The following KIF21A variants were observed in gnomAD, a reference collection of about 807,000 sequenced individuals.
KIF21A encodes the protein kinesin-like protein KIF21A.
A neutral mutation model predicts 202.9 loss-of-function variants in KIF21A; 114 were observed. The observed-to-expected ratio is 0.56, with a 90% CI of 0.48 to 0.66. The LOEUF is 0.66. Among genes scored for constraint, KIF21A ranks in the 30% least tolerant of loss-of-function variants. KIF21A has a pLI of 0.00. For missense variants in KIF21A, 1,677 were observed against 1,994.9 expected (o/e 0.84, Z 3.04); for synonymous variants, 667 against 670.8 (o/e 0.99, Z 0.09).
intron 1 of KIF21A, among the ~76,000 whole-genome samples, chr12:39,440,207 A>G (rs1432809375): frequency 6.6e-6 from 1 of 152,218 alleles, no homozygotes; most frequent in East Asian, 1.9e-4. Context: ...ACTCATTTGT[A>G]AATGAACTAA....
At chr12:39,344,417 G>T (rs1399488410) in intron 12 of KIF21A, among the ~76,000 whole-genome samples, 1 of 152,082 alleles carries the variant, frequency 6.6e-6, no homozygotes. Context: ...CCCTCTCCTG[G>T]GCAGTCTCCC....
intron 37 of KIF21A, among the ~76,000 whole-genome samples, chr12:39,295,391 TAAAG>T (rs1013515421): frequency 1.3e-5 from 2 of 151,984 alleles, no homozygotes; most frequent in Non-Finnish European, 2.9e-5. Context: ...AAAAAATAAA[TAAAG>T]AAGAGTTTCC....
intron 1 of KIF21A, among the ~76,000 whole-genome samples, chr12:39,438,261 G>A (rs571663291): frequency 5.3e-5 from 8 of 152,212 alleles, no homozygotes; most frequent in Admixed American, 3.9e-4. Flanking sequence ...CAGTAATAAG[G>A]ATACCTAAAG....
At chr12:39,433,828 A>T (rs1008912865) in intron 1 of KIF21A, among the ~76,000 whole-genome samples, 1 of 152,180 alleles carries the variant, frequency 6.6e-6, no homozygotes, top group Non-Finnish European at 1.5e-5. Flanking sequence ...AAACGGGGAG[A>T]CTAGATAGAA....
In KIF21A at chr12:39,302,952, G is replaced by C. The variant is rs2137152376; in HGVS notation, c.4731+13C>G. The C allele has an allele frequency of 4.3e-6, 7 of 1,610,464 alleles. No individual in the cohort carries two copies. Among genetic ancestry groups the C allele is most frequent in the Non-Finnish European group, 5.1e-6 (6 of 1,177,126 alleles). The stretch of plus-strand genomic sequence containing the variant: ...AAATGCCCACTCTATACCATGAAAA[G>C]GTTCTGCATTACCTGAAGAAGGTCT... On this transcript the variant is annotated intron_variant, in intron 36 of 37. Coordinates refer to ENST00000361418, the MANE Select transcript of KIF21A (RefSeq NM_001173464.2).
chr12:39,348,475 G>A (rs1592269716), intron 11 of KIF21A, among the ~76,000 whole-genome samples: 1 of 152,022 alleles, frequency 6.6e-6, no homozygotes, highest in African/African-American at 2.4e-5. Context: ...ACAGACTGAC[G>A]CAGAAGAAGG....
chr12:39,321,220 T>C (rs1388944154), intron 27 of KIF21A: 3 of 152,196 alleles, frequency 2.0e-5, no homozygotes, highest in African/African-American at 7.2e-5. Context: ...ATTACAAATA[T>C]ATGAGTATAA....
At chr12:39,431,907 A>T (rs1937971556) in intron 1 of KIF21A, among the ~76,000 whole-genome samples, 1 of 152,218 alleles carries the variant, frequency 6.6e-6, no homozygotes, top group African/African-American at 2.4e-5. Context: ...GTATTGCCTA[A>T]ATTGACACTT....
chr12:39,390,077 C>T (rs373222344), intron 1 of KIF21A, among the ~76,000 whole-genome samples: 234 of 152,274 alleles, frequency 1.5e-3, no homozygotes, highest in African/African-American at 5.5e-3. Flanking sequence ...TCAGATTCAT[C>T]GTTGTATCTC....
intron 7 of KIF21A, 100 bp downstream of exon 7, chr12:39,362,998 G>A (rs1197075449): frequency 1.3e-6 from 1 of 780,492 alleles, no homozygotes; most frequent in East Asian, 2.5e-5. Context: ...CATCCTATTA[G>A]TTTGCTTTGC....
At chr12:39,349,885 T>C (rs1948224996) in intron 11 of KIF21A, among the ~76,000 whole-genome samples, 1 of 152,044 alleles carries the variant, frequency 6.6e-6, no homozygotes, top group Non-Finnish European at 1.5e-5. Context: ...AGAAAAATTT[T>C]TTAGATTCAC....
At chr12:39,294,958 A>T (rs996637062) in intron 37 of KIF21A, among the ~76,000 whole-genome samples, 1 of 152,194 alleles carries the variant, frequency 6.6e-6, no homozygotes, top group African/African-American at 2.4e-5. Flanking sequence ...ACAGTGTCAG[A>T]AGGCTTCAGT....
At chr12:39,314,305 A>G (rs142917097) in intron 31 of KIF21A, among the ~76,000 whole-genome samples, 1 of 151,912 alleles carries the variant, frequency 6.6e-6, no homozygotes, top group East Asian at 1.9e-4. Context: ...ATGCTCAGTA[A>G]TTTGTAATCT....
At chr12:39,427,574 A>G (rs1380064812) in intron 1 of KIF21A, among the ~76,000 whole-genome samples, 1 of 152,270 alleles carries the variant, frequency 6.6e-6, no homozygotes, top group Non-Finnish European at 1.5e-5. Context: ...AATAGTAAAA[A>G]GAAAATTATG....
intron 1 of KIF21A, among the ~76,000 whole-genome samples, chr12:39,408,597 C>A (rs1158926872): frequency 6.6e-6 from 1 of 152,152 alleles, no homozygotes; most frequent in Non-Finnish European, 1.5e-5. Context: ...AAATCAGGAA[C>A]TCATTGAATA....
At position 39,381,804 on chromosome 12, in the gene KIF21A, G is replaced by A. The variant is rs369664151; in HGVS notation, c.45-11543C>T. 2.6e-5 allele frequency among the ~76,000 whole-genome samples: 4 copies of A among 152,258 alleles called. No homozygotes were observed. In the South Asian group the frequency reaches 6.2e-4, roughly 24 times the overall value. On this transcript the variant is annotated intron_variant, in intron 1 of 37. Coordinates refer to ENST00000361418, the MANE Select transcript of KIF21A (RefSeq NM_001173464.2). ...ACCACTTCCAATTTAGTTACTAACC[G>A]GTTAGAGTTAATCAAAGGGAAATCA...
chr12:39,352,978 T>C (rs910061134), intron 10 of KIF21A, among the ~76,000 whole-genome samples: 2 of 152,074 alleles, frequency 1.3e-5, no homozygotes, highest in African/African-American at 2.4e-5. Context: ...TTACATATAA[T>C]AGATTTTCAA....
intron 1 of KIF21A, among the ~76,000 whole-genome samples, chr12:39,424,801 AC>A (rs1327244303): frequency 3.3e-5 from 5 of 151,570 alleles, no homozygotes; most frequent in African/African-American, 1.2e-4. Context: ...CTACATTTTC[AC>A]CTCTTATAAT....
intron 27 of KIF21A, among the ~76,000 whole-genome samples, chr12:39,320,414 T>C (rs1207057994): frequency 6.6e-6 from 1 of 152,092 alleles, no homozygotes; most frequent in Non-Finnish European, 1.5e-5. Flanking sequence ...ACAATGAGAT[T>C]TAATGAATTA....
Sources: gnomAD v4.1 joint callset for allele counts (sites outside exome capture counted in the v4.1 genomes callset) on GRCh38, gnomAD v4.1.1 for gene constraint, MANE v1.5 for transcripts, NCBI Gene and HGNC (gene_info 2026-07-23, HGNC 2026-07-21) for gene names.